The following ACER1 variants were observed in gnomAD, a reference collection of about 807,000 sequenced individuals.
The protein encoded by ACER1 is alkaline ceramidase 1.
In ACER1, 28 loss-of-function variants were observed where a neutral mutation model predicts 24.9. The observed-to-expected ratio is 1.13, with a 90% CI of 0.83 to 1.54. The LOEUF (loss-of-function observed/expected upper bound fraction) is 1.54, where lower values mean the gene tolerates loss of function less well. ACER1 is among the 40% of genes most tolerant of loss of function. The pLI is 0.00. For synonymous variants in ACER1, 132 were observed against 131.4 expected, an observed-to-expected ratio of 1.00 and a Z score of -0.03; for missense variants, 352 against 349.3, an observed-to-expected ratio of 1.01 and a Z score of -0.06.
upstream of ACER1, among the ~76,000 whole-genome samples, chr19:6,335,906 C>CTTTTCTTTTTTTTTTTTT (rs1555717055): frequency 2.1e-5 from 3 of 141,556 alleles, no homozygotes; most frequent in African/African-American, 7.8e-5. Context: ...TTTTTCTTTT[C>CTTTTCTTTTTTTTTTTTT]TTTTTTTTTT....
At chr19:6,308,934 C>T (rs2091564217) in intron 4 of ACER1, among the ~76,000 whole-genome samples, 1 of 152,076 alleles carries the variant, frequency 6.6e-6, no homozygotes, top group Non-Finnish European at 1.5e-5. Context: ...CACAGTGGCT[C>T]ACGCCTGTAA....
intron 1 of ACER1, among the ~76,000 whole-genome samples, chr19:6,319,965 GC>G (rs1418308055): frequency 2.0e-5 from 3 of 151,746 alleles, no homozygotes; most frequent in Admixed American, 6.6e-5. Flanking sequence ...TACAAAATTA[GC>G]CGGTGTGGTG....
chr19:6,335,075 T>TA (rs1391542460), upstream of ACER1, among the ~76,000 whole-genome samples: 1 of 146,986 alleles, frequency 6.8e-6, no homozygotes, highest in Non-Finnish European at 1.5e-5. Flanking sequence ...ATTATTATAT[T>TA]AAAAATACTA....
chr19:6,335,541 C>T (rs1387454354), upstream of ACER1, among the ~76,000 whole-genome samples: 2 of 152,018 alleles, frequency 1.3e-5, no homozygotes, highest in African/African-American at 4.8e-5. Flanking sequence ...ATGTTCTTAA[C>T]AATCCTACCC....
chr19:6,339,847 A>G, the ACER1 span, among the ~76,000 whole-genome samples: 2,328 of 151,890 alleles, frequency 0.015, 56 homozygotes, highest in African/African-American at 0.054. Context: ...TTGTATTTTT[A>G]GTAGAGACGG....
chr19:6,307,741 T>C (rs867310501), intron 4 of ACER1, among the ~76,000 whole-genome samples: 13 of 151,492 alleles, frequency 8.6e-5, no homozygotes, highest in Middle Eastern at 3.2e-3. Context: ...CAGTGAGCCG[T>C]GATTGCGCCG....
the ACER1 span, among the ~76,000 whole-genome samples, chr19:6,344,536 A>T: frequency 1.1e-4 from 16 of 152,070 alleles, 2 homozygotes; most frequent in African/African-American, 1.4e-4. Context: ...CTCGGACTAC[A>T]GGCACCCACA....
the ACER1 span, among the ~76,000 whole-genome samples, chr19:6,354,818 C>A: frequency 6.7e-6 from 1 of 149,454 alleles, no homozygotes; most frequent in Non-Finnish European, 1.5e-5. Context: ...CCCCCCTCTC[C>A]CTTTCCCCAC....
Position 6,309,679 on chromosome 19 carries a change from C to A in ACER1, c.488+18G>T. 2 of 1,613,564 alleles carry A rather than the reference C, an allele frequency of 1.2e-6. No homozygotes were observed. Among genetic ancestry groups the A allele is most frequent in the Non-Finnish European group, 1.7e-6 (2 of 1,179,786 alleles). Reference sequence around the variant, plus strand: ...GGGATGGGAGCCTCCTGCCCAGGCACCTGCAGCCTTCACTCACTTCCTGTA... The same window carrying A: ...GGGATGGGAGCCTCCTGCCCAGGCAACTGCAGCCTTCACTCACTTCCTGTA... On this transcript the variant is annotated intron_variant, in intron 4 of 5. Coordinates refer to ENST00000301452, the MANE Select transcript of ACER1 (RefSeq NM_133492.3).
the ACER1 span, among the ~76,000 whole-genome samples, chr19:6,351,434 T>C: frequency 6.6e-6 from 1 of 151,622 alleles, no homozygotes; most frequent in African/African-American, 2.4e-5. Context: ...TACTTGATAA[T>C]TTGGCTTAAA....
chr19:6,351,568 C>CAAAA, the ACER1 span, among the ~76,000 whole-genome samples: 2 of 126,210 alleles, frequency 1.6e-5, no homozygotes, highest in African/African-American at 5.9e-5. Flanking sequence ...CGGCCCTTAC[C>CAAAA]AAAAAAAAAA....
chr19:6,351,568 CAAA>C, the ACER1 span, among the ~76,000 whole-genome samples: 1 of 126,198 alleles, frequency 7.9e-6, no homozygotes, highest in Non-Finnish European at 1.7e-5. Context: ...CGGCCCTTAC[CAAA>C]AAAAAAAAAG....
the ACER1 span, among the ~76,000 whole-genome samples, chr19:6,350,059 A>G: frequency 6.6e-6 from 1 of 151,914 alleles, no homozygotes; most frequent in Non-Finnish European, 1.5e-5. Flanking sequence ...TGAGTCCAGG[A>G]GTTTGAGGCT....
intron 1 of ACER1, among the ~76,000 whole-genome samples, chr19:6,315,689 A>AT (rs75296613): frequency 0.21 from 32,178 of 151,592 alleles, 3,637 homozygotes; most frequent in East Asian, 0.41. Context: ...TAATTTTTGT[A>AT]TTTTTTGTAC....
chr19:6,324,781 A>C (rs1179737050), intron 1 of ACER1, among the ~76,000 whole-genome samples: 1 of 147,434 alleles, frequency 6.8e-6, no homozygotes, highest in East Asian at 1.9e-4. Flanking sequence ...AGAAAGAGAA[A>C]GAGAGAGAAG....
upstream of ACER1, among the ~76,000 whole-genome samples, chr19:6,337,686 TTTTTTTTG>T (rs2091720555): frequency 9.6e-6 from 1 of 103,986 alleles, no homozygotes; most frequent in African/African-American, 3.8e-5. Context: ...TTTTTTTTTT[TTTTTTTTG>T]AGATGGAGTC....
In ACER1 at chr19:6,312,451, T is replaced by A. The variant is rs755135180; in HGVS notation, c.142A>T (p.Met48Leu). 6 of 1,613,670 alleles carry A rather than the reference T, an allele frequency of 3.7e-6. No homozygotes were observed. The African/African-American group carries it at 6.7e-5, about 18-fold the overall frequency. Residue 48 changes from methionine (M) to leucine (L), a missense_variant, in exon 2 of 6, where the codon ATG becomes TTG. Met to Leu is a conservative substitution (Grantham distance 15). Transcript: ENST00000301452. The part of the protein sequence containing the change: ...FIFGPLMMLL[M>L]HPYAQKRSRY... Reference sequence around the variant, plus strand: ...GAGCGCTTCTGGGCATACGGGTGCATCAGGAGCATCATCAGTGGCCCGAAG... The same window carrying A: ...GAGCGCTTCTGGGCATACGGGTGCAACAGGAGCATCATCAGTGGCCCGAAG...
chr19:6,336,190 T>G (rs1056283700), upstream of ACER1, among the ~76,000 whole-genome samples: 2 of 152,058 alleles, frequency 1.3e-5, no homozygotes, highest in Non-Finnish European at 2.9e-5. Flanking sequence ...CTTGAGCCAC[T>G]GTGCCTGGCC....
intron 1 of ACER1, among the ~76,000 whole-genome samples, chr19:6,331,522 C>T (rs1013780829): frequency 4.0e-5 from 6 of 150,460 alleles, no homozygotes; most frequent in African/African-American, 9.7e-5. Context: ...GGCCGGGCGC[C>T]GTGGCTCACG....
Sources: allele counts gnomAD v4.1 joint callset (sites outside exome capture counted in the v4.1 genomes callset), GRCh38; gene constraint gnomAD v4.1.1; transcripts MANE v1.5; gene names NCBI Gene and HGNC (gene_info 2026-07-23, HGNC 2026-07-21).